Variants in REDIC1 observed in about 807,000 individuals in gnomAD.
REDIC1 encodes regulator of DNA class I crossover intermediates 1.
the REDIC1 span, among the ~76,000 whole-genome samples, chr12:39,828,358 G>A: frequency 6.6e-6 from 1 of 151,066 alleles, no homozygotes; most frequent in Non-Finnish European, 1.5e-5. Flanking sequence ...TTAGTTATCT[G>A]TGCCTTACTT....
chr12:39,783,018 C>T, the REDIC1 span, among the ~76,000 whole-genome samples: 2,286 of 152,224 alleles, frequency 0.015, 25 homozygotes, highest in Non-Finnish European at 0.027. Flanking sequence ...TATCCCTCCC[C>T]GCTCCCCCCA....
chr12:39,750,634 A>C, the REDIC1 span, among the ~76,000 whole-genome samples: 1 of 152,194 alleles, frequency 6.6e-6, no homozygotes, highest in Non-Finnish European at 1.5e-5. Context: ...ACAAAGCTGG[A>C]GGCATCACAC....
the REDIC1 span, among the ~76,000 whole-genome samples, chr12:39,644,706 C>T: frequency 6.6e-6 from 1 of 151,608 alleles, no homozygotes; most frequent in African/African-American, 2.4e-5. Context: ...GAGAATAAAA[C>T]TTATTGTTGT....
the REDIC1 span, chr12:39,864,624 T>C: frequency 2.3e-5 from 27 of 1,188,398 alleles, 1 homozygote; most frequent in Admixed American, 6.4e-4. Context: ...TCTACCACCT[T>C]TCCCATTTTC....
chr12:39,886,278 A>T, the REDIC1 span, among the ~76,000 whole-genome samples: 9 of 152,190 alleles, frequency 5.9e-5, no homozygotes, highest in African/African-American at 2.2e-4. Context: ...TGATGCGGGC[A>T]TATTGACAGC....
At chr12:39,896,232 A>ATG in the REDIC1 span, among the ~76,000 whole-genome samples, 3 of 134,612 alleles carry the variant, frequency 2.2e-5, no homozygotes, top group Non-Finnish European at 4.8e-5. Flanking sequence ...ATATATGCAT[A>ATG]TGTGTATATA....
chr12:39,719,470 C>T, the REDIC1 span, among the ~76,000 whole-genome samples: 2 of 151,900 alleles, frequency 1.3e-5, no homozygotes, highest in Non-Finnish European at 2.9e-5. Context: ...AAAAATTAGT[C>T]AGACATGGTG....
At chr12:39,863,343 C>A in the REDIC1 span, among the ~76,000 whole-genome samples, 1 of 152,030 alleles carries the variant, frequency 6.6e-6, no homozygotes, top group Non-Finnish European at 1.5e-5. Context: ...TTATGTAAAT[C>A]ACTAAAAACT....
At chr12:39,863,582 A>C in the REDIC1 span, among the ~76,000 whole-genome samples, 1 of 152,206 alleles carries the variant, frequency 6.6e-6, no homozygotes, top group Non-Finnish European at 1.5e-5. Flanking sequence ...GAAAAAGAAA[A>C]GTAGAATATG....
the REDIC1 span, among the ~76,000 whole-genome samples, chr12:39,838,502 A>T: frequency 9.7e-5 from 8 of 82,454 alleles, no homozygotes; most frequent in African/African-American, 1.6e-4. Context: ...AAAAAAAAAT[A>T]AATTAAAAAA....
chr12:39,882,807 C>T, the REDIC1 span, among the ~76,000 whole-genome samples: 1 of 152,216 alleles, frequency 6.6e-6, no homozygotes, highest in African/African-American at 2.4e-5. Context: ...TTTCCTTCTA[C>T]TTTTCCCCAG....
the REDIC1 span, chr12:39,626,191 C>A: frequency 1.3e-6 from 1 of 779,560 alleles, no homozygotes; most frequent in Non-Finnish European, 2.1e-6. Flanking sequence ...GGAGGTTGGG[C>A]CTCAGGCGGT....
At chr12:39,852,847 G>A in the REDIC1 span, among the ~76,000 whole-genome samples, 134 of 152,268 alleles carry the variant, frequency 8.8e-4, no homozygotes, top group African/African-American at 3.2e-3. Flanking sequence ...ATCAGCCTCT[G>A]ATTGGTAGCC....
the REDIC1 span, among the ~76,000 whole-genome samples, chr12:39,712,657 ATG>A: frequency 3.3e-4 from 48 of 144,554 alleles, no homozygotes; most frequent in African/African-American, 1.2e-3. Context: ...TTATGTATAT[ATG>A]TATGTATACA....
the REDIC1 span, among the ~76,000 whole-genome samples, chr12:39,629,616 G>A: frequency 1.3e-3 from 194 of 152,252 alleles, no homozygotes; most frequent in Middle Eastern, 0.01. Flanking sequence ...AAAGGAAAGA[G>A]CCAGTGATTA....
the REDIC1 span, among the ~76,000 whole-genome samples, chr12:39,738,636 A>C: frequency 1.3e-5 from 2 of 152,268 alleles, no homozygotes; most frequent in African/African-American, 2.4e-5. Context: ...TCTTTTTACT[A>C]TCATAACCTA....
the REDIC1 span, among the ~76,000 whole-genome samples, chr12:39,751,949 G>A: frequency 2.6e-5 from 4 of 152,120 alleles, no homozygotes; most frequent in South Asian, 2.1e-4. Flanking sequence ...TATACCTAAC[G>A]TAAATGATGA....
the REDIC1 span, among the ~76,000 whole-genome samples, chr12:39,875,857 C>G: frequency 6.6e-6 from 1 of 152,136 alleles, no homozygotes; most frequent in Non-Finnish European, 1.5e-5. Context: ...AATGGGCTAC[C>G]TACCACTGAG....
the REDIC1 span, among the ~76,000 whole-genome samples, chr12:39,881,983 C>G: frequency 6.6e-6 from 1 of 152,092 alleles, no homozygotes; most frequent in Non-Finnish European, 1.5e-5. Context: ...GCTCTACCAC[C>G]AAAATCCTTT....
Sources: gnomAD v4.1 joint callset for allele counts (sites outside exome capture counted in the v4.1 genomes callset) on GRCh38, gnomAD v4.1.1 for gene constraint, MANE v1.5 for transcripts, NCBI Gene and HGNC (gene_info 2026-07-23, HGNC 2026-07-21) for gene names.